The following SLC35B1 variants were observed in gnomAD, a reference collection of about 807,000 sequenced individuals.
The protein encoded by SLC35B1 is solute carrier family 35 member B1, also known as ATP/ADP exchanger ER.
In SLC35B1, 27 loss-of-function variants were observed where a neutral mutation model predicts 36.6. The ratio of observed to expected loss-of-function variants is 0.74; its 90% CI spans 0.54 to 1.02. SLC35B1 has a LOEUF of 1.02. Among genes scored for constraint, SLC35B1 ranks in the 50% least tolerant of loss-of-function variants. The pLI, the probability that SLC35B1 is intolerant of heterozygous loss-of-function variation, is 0.00. For synonymous variants in SLC35B1, 162 were observed against 152.5 expected (o/e 1.06, Z -0.46); for missense variants, 321 against 383.2 (o/e 0.84, Z 1.35).
rs1179866290 is a variant in SLC35B1 at position 49,707,025 on chromosome 17, T to C, written c.148A>G (p.Thr50Ala). Residue 50 changes from threonine to alanine, a missense_variant, in exon 2 of 9, where the codon ACC becomes GCC. Coordinates refer to ENST00000240333, the MANE Select transcript of SLC35B1 (RefSeq NM_005827.4). Reference sequence around the variant, plus strand: ...ATGAAGACCAAAGTTAAGGCAAAGGTGAACGTCTCCTGCTTGGCTCCTTCC... The same window carrying C: ...ATGAAGACCAAAGTTAAGGCAAAGGCGAACGTCTCCTGCTTGGCTCCTTCC... ...YGEGAKQETF[T>A]FALTLVFIQC... is the part of the protein sequence containing the mutation. 5.0e-6 allele frequency: 8 copies of C among 1,613,920 alleles called. No individual in the cohort carries two copies. Among genetic ancestry groups the C allele is most frequent in the Non-Finnish European group, 6.8e-6 (8 of 1,179,982 alleles).
Position 49,706,983 on chromosome 17 carries a change from C to T in SLC35B1, c.190G>A (p.Ala64Thr). 1 of 1,613,850 alleles carries T rather than the reference C, an allele frequency of 6.2e-7. No homozygotes were observed. The highest frequency in any genetic ancestry group is 8.5e-7 in the Non-Finnish European group (1 of 1,179,764). ...TACTCACAGATCTTGGCAAACACAG[C>T]ATTGATCACACATTGAATGAAGACC... ...TLVFIQCVIN[A>T]VFAKILIQFF... Residue 64 changes from alanine (A) to threonine (T), a missense_variant, in exon 2 of 9, where the codon GCT becomes ACT. By Grantham distance (58) the Ala-to-Thr change is moderately conservative. Transcript: ENST00000240333.
intron 2 of SLC35B1, 125 bp from the exon 3 acceptor site, chr17:49,706,459 C>T: frequency 5.6e-6 from 5 of 899,136 alleles, no homozygotes; most frequent in Non-Finnish European, 7.9e-6. Flanking sequence ...AGGAACTTGT[C>T]TGTCAAACAA....
chr17:49,704,376 G>T, intron 5 of SLC35B1, 150 bp from the exon 6 acceptor site: 2 of 973,046 alleles, frequency 2.1e-6, no homozygotes, highest in Non-Finnish European at 1.5e-6. Flanking sequence ...ACAGGTGGAA[G>T]GTGGGGAGAG....
In SLC35B1 at chr17:49,706,310, C is replaced by T. The variant is rs1639610886; in HGVS notation, c.233G>A (p.Arg78Lys). 1.3e-6 allele frequency: 2 copies of T among 1,549,074 alleles called. No individual in the cohort carries two copies. The highest frequency in any genetic ancestry group is 1.7e-6 in the Non-Finnish European group (2 of 1,156,258). ...KILIQFFDTA[R>K]VDRTRSWLYA... ...GAGCCAGCTCCGGGTACGATCCACCCTGGCAGTGTCAAAAAACTGGATCAC... is the reference window on the plus strand; with the variant it reads ...GAGCCAGCTCCGGGTACGATCCACCTTGGCAGTGTCAAAAAACTGGATCAC... The change falls in exon 3 of 9, where the codon AGG (arginine) becomes AAG (lysine). Residue 78 changes from arginine to lysine, a missense_variant. Physicochemically the swap from Arg to Lys is conservative, Grantham distance 26 (BLOSUM62 2). Transcript: ENST00000240333.
Position 49,707,804 on chromosome 17 carries a change from G to A in SLC35B1, c.30C>T (p.Asp10=). The A allele has an allele frequency of 6.2e-7, 1 of 1,611,954 alleles. No homozygotes were observed. The highest frequency in any genetic ancestry group is 8.5e-7 in the Non-Finnish European group (1 of 1,179,816). The part of the protein sequence containing the change: MASSSSLVP[D]RLRLPLCFLG... The stretch of plus-strand genomic sequence containing the variant: ...GGAAGCAGAGCGGCAGGCGCAGCCG[G>A]TCGGGCACCAGGGAGCTGCTAGAGG... The change falls in exon 1 of 9, where the codon GAC becomes GAT. Residue 10 remains aspartate, a synonymous_variant. Coordinates refer to ENST00000240333, the MANE Select transcript of SLC35B1 (RefSeq NM_005827.4).
chr17:49,701,537 G>C, intron 8 of SLC35B1, 27 bp from the exon 9 acceptor site: 5 of 1,606,370 alleles, frequency 3.1e-6, no homozygotes, highest in Non-Finnish European at 4.3e-6. Flanking sequence ...AATGGGCTTA[G>C]CCTTATGGGG....
rs1375449642 is a variant in SLC35B1, at chr17:49,702,998, A to G, written c.776T>C (p.Met259Thr). 2 of 1,614,158 alleles carry G rather than the reference A, an allele frequency of 1.2e-6. No individual in the cohort carries two copies. The highest frequency in any genetic ancestry group is 8.5e-7 in the Non-Finnish European group (1 of 1,180,028). ...CAGGGGACCAAAATACACAACCGTC[A>G]TAAAGATGAAGCTCTAGAGAAAGAT... Reference protein sequence around the residue: ...TSALGQSFIFMTVVYFGPLTC... With the variant: ...TSALGQSFIFTTVVYFGPLTC... Residue 259 changes from methionine to threonine, a missense_variant, in exon 8 of 9, where the codon ATG becomes ACG. Physicochemically the swap from Met to Thr is moderately conservative, Grantham distance 81 (BLOSUM62 -1). Coordinates refer to ENST00000240333, the MANE Select transcript of SLC35B1 (RefSeq NM_005827.4).
In SLC35B1 at chr17:49,706,346, C is replaced by CAAAAAAAAAAAAAAAAAGAAAAAAAA; in HGVS notation, c.209-13_209-12insTTTTTTTTCTTTTTTTTTTTTTTTTT. ...AAAAAACTGGATCACTGGGAGAAGA[C>CAAAAAAAAAAAAAAAAAGAAAAAAAA]AAAAAAAAAAAAAAAAAAAGAAAAG... On this transcript the variant is annotated splice_polypyrimidine_tract_variant and intron_variant, in intron 2 of 8. Transcript: ENST00000240333. 1.4e-6 allele frequency: 1 copy of CAAAAAAAAAAAAAAAAAGAAAAAAAA among 732,216 alleles called. No individual in the cohort carries two copies. 45.4% of individuals were successfully genotyped at this position (732,216 alleles called of 1,614,324 possible).
intron 5 of SLC35B1, among the ~76,000 whole-genome samples, chr17:49,704,472 A>G (rs1162798056): frequency 5.4e-5 from 8 of 147,570 alleles, no homozygotes. Flanking sequence ...TTTTGTAATC[A>G]GAGTAGAGCA....
At chr17:49,705,759 A>G (rs2143659870) in intron 4 of SLC35B1, 107 bp downstream of exon 4, 1 of 1,070,354 alleles carries the variant, frequency 9.3e-7, no homozygotes. Context: ...GTCCCTGGAG[A>G]CAGCCATGAT....
chr17:49,702,152 A>C, intron 8 of SLC35B1: 1 of 166,042 alleles, frequency 6.0e-6, no homozygotes, highest in Non-Finnish European at 1.3e-5. Context: ...ACAGATTTTC[A>C]CTCTGTCACC....
intron 3 of SLC35B1, 82 bp downstream of exon 3, chr17:49,706,122 T>TC: frequency 8.1e-7 from 1 of 1,239,704 alleles, no homozygotes; most frequent in Non-Finnish European, 1.1e-6. Flanking sequence ...TTTTTTTTTT[T>TC]AACTCACAGA....
At chr17:49,706,360 A>G (rs1237841771) in intron 2 of SLC35B1, 26 bp from the exon 3 acceptor site, 2 of 1,331,166 alleles carry the variant, frequency 1.5e-6, no homozygotes, top group South Asian at 1.5e-5. Flanking sequence ...AAAAAAAAAA[A>G]AAAAAGAAAA....
chr17:49,701,875 A>G, intron 8 of SLC35B1: 2 of 367,354 alleles, frequency 5.4e-6, no homozygotes, highest in Admixed American at 3.5e-5. Context: ...GGATCATTTG[A>G]GCCCAGGAGT....
Position 49,704,283 on chromosome 17 carries a change from C to G in SLC35B1, c.529-57G>C, listed in dbSNP as rs2073388117. 3 of 1,593,850 alleles carry G rather than the reference C, an allele frequency of 1.9e-6. No homozygotes were observed. In the African/African-American group the frequency reaches 4.0e-5, roughly 21 times the overall value. On this transcript the variant is annotated intron_variant, in intron 5 of 8. Transcript: ENST00000240333. ...GTGGCCAACAGGGCCCTTTCCAAAC[C>G]CAGGACACAGGATTCTCACTCTCAG...
At chr17:49,701,923 CT>C in intron 8 of SLC35B1, 2 of 292,962 alleles carry the variant, frequency 6.8e-6, no homozygotes, top group Admixed American at 4.1e-5. Flanking sequence ...GACCCCATCG[CT>C]ACAAAAAAAA....
At chr17:49,703,420 G>C in intron 6 of SLC35B1, 126 bp from the exon 7 acceptor site, 1 of 690,246 alleles carries the variant, frequency 1.4e-6, no homozygotes, top group Non-Finnish European at 2.6e-6. Flanking sequence ...AAGGGAGGTG[G>C]GACGCGGGAA....
Position 49,701,544 on chromosome 17 carries a change from G to T in SLC35B1, c.917-34C>A, listed in dbSNP as rs201455760. 5,457 of 1,594,576 alleles carry T rather than the reference G, an allele frequency of 3.4e-3. 18 individuals are homozygous for T. The highest frequency in any genetic ancestry group is 4.5e-3 in the South Asian group (404 of 90,458). On this transcript the variant is annotated intron_variant, in intron 8 of 8. Transcript: ENST00000240333. The stretch of plus-strand genomic sequence containing the variant: ...AGGAAGAAAATGGGCTTAGCCTTAT[G>T]GGGGGAAATGAAACTTACCAATGAT...
upstream of SLC35B1, chr17:49,707,999 C>A: frequency 6.9e-6 from 10 of 1,444,442 alleles, no homozygotes; most frequent in African/African-American, 1.4e-5. Context: ...ACCAGAACTG[C>A]CGGCTCATGG....
Sources: gnomAD v4.1 joint callset for allele counts (sites outside exome capture counted in the v4.1 genomes callset) on GRCh38, gnomAD v4.1.1 for gene constraint, MANE v1.5 for transcripts, NCBI Gene and HGNC (gene_info 2026-07-23, HGNC 2026-07-21) for gene names.